Variants in TMEM26 observed in about 807,000 individuals in gnomAD.
TMEM26 encodes transmembrane protein 26.
In TMEM26, 38 loss-of-function variants were observed where a neutral mutation model predicts 28.8. The observed-to-expected ratio is 1.32, with a 90% CI of 1.02 to 1.73. TMEM26 has a LOEUF of 1.73. Among genes scored for constraint, TMEM26 ranks in the 40% most tolerant of loss-of-function variants. The pLI, the probability that TMEM26 is intolerant of heterozygous loss-of-function variation, is 0.00. For synonymous variants in TMEM26, 227 were observed against 182.9 expected, an observed-to-expected ratio of 1.24 and a Z score of -1.95; for missense variants, 518 against 447.1, an observed-to-expected ratio of 1.16 and a Z score of -1.43.
At position 61,449,287 on chromosome 10, in the gene TMEM26, A is replaced by G. The variant is rs945445138; in HGVS notation, c.191+3604T>C. Among the ~76,000 whole-genome samples the G allele has an allele frequency of 3.3e-5, 5 of 152,252 alleles. No individual in the cohort carries two copies. The South Asian group carries it at 6.2e-4, about 19-fold the overall frequency. ...AAAAAAAAGCAAACTCCAGGAGTGC[A>G]TATTTTTTTTAGCTTAACGGGGGAC... On this transcript the variant is annotated intron_variant, in intron 1 of 5. Coordinates refer to ENST00000399298, the MANE Select transcript of TMEM26 (RefSeq NM_178505.8).
chr10:61,423,990 G>A (rs545186898), intron 4 of TMEM26, among the ~76,000 whole-genome samples: 1 of 152,172 alleles, frequency 6.6e-6, no homozygotes, highest in East Asian at 1.9e-4. Flanking sequence ...AAACCCACAA[G>A]TAACATCATC....
At chr10:61,435,459 A>G (rs1022647139) in intron 2 of TMEM26, among the ~76,000 whole-genome samples, 3 of 152,152 alleles carry the variant, frequency 2.0e-5, no homozygotes, top group Non-Finnish European at 2.9e-5. Context: ...GATTATAGGC[A>G]TGAGCCACCA....
At chr10:61,448,369 T>C (rs1238881664) in intron 1 of TMEM26, among the ~76,000 whole-genome samples, 1 of 152,226 alleles carries the variant, frequency 6.6e-6, no homozygotes, top group Non-Finnish European at 1.5e-5. Flanking sequence ...GACAACTAAC[T>C]GGTCCCAAAA....
At chr10:61,421,240 A>C (rs1315992242) in intron 4 of TMEM26, among the ~76,000 whole-genome samples, 2 of 152,162 alleles carry the variant, frequency 1.3e-5, no homozygotes, top group Non-Finnish European at 2.9e-5. Context: ...AAATTGACTT[A>C]AAAATGCTCA....
chr10:61,429,544 T>C (rs887168746), intron 3 of TMEM26, among the ~76,000 whole-genome samples: 5 of 152,084 alleles, frequency 3.3e-5, no homozygotes, highest in Non-Finnish European at 7.4e-5. Context: ...CTTTAATAGA[T>C]TTTTAAATCT....
chr10:61,433,189 A>G (rs766578394), intron 2 of TMEM26, among the ~76,000 whole-genome samples: 1 of 152,158 alleles, frequency 6.6e-6, no homozygotes, highest in Non-Finnish European at 1.5e-5. Flanking sequence ...TTCATAGTCC[A>G]TATTATGGTA....
At position 61,452,998 on chromosome 10, in the gene TMEM26, G is replaced by C. The variant is rs764285838; in HGVS notation, c.84C>G (p.Thr28=). The change falls in exon 1 of 6, where the codon ACC becomes ACG. Residue 28 remains threonine (T), a synonymous_variant. Coordinates refer to ENST00000399298, the MANE Select transcript of TMEM26 (RefSeq NM_178505.8). ...LHSLVGVWRV[T]EVKKEPRYWL... is the part of the protein sequence containing the mutation. ...AGTACCGCGGCTCCTTCTTCACCTCGGTCACTCGCCAGACCCCGACCAGCG... is the reference window on the plus strand; with the variant it reads ...AGTACCGCGGCTCCTTCTTCACCTCCGTCACTCGCCAGACCCCGACCAGCG... 5 of 1,613,960 alleles carry C rather than the reference G, an allele frequency of 3.1e-6. No homozygotes were observed. The highest frequency in any genetic ancestry group is 4.2e-6 in the Non-Finnish European group (5 of 1,180,014).
chr10:61,410,652 G>T lies in TMEM26; in HGVS notation c.777C>A (p.Ile259=), dbSNP rs372939198. The change falls in exon 6 of 6, where the codon ATC becomes ATA. Residue 259 remains isoleucine (I), a synonymous_variant. Coordinates refer to ENST00000399298, the MANE Select transcript of TMEM26 (RefSeq NM_178505.8). Reference sequence around the variant, plus strand: ...AGGGGCCATCTTGTATGAAGACGCTGATTCCGATGTTCCACAGATCGGCAC... The same window carrying T: ...AGGGGCCATCTTGTATGAAGACGCTTATTCCGATGTTCCACAGATCGGCAC... ...QYSADLWNIG[I]SVFIQDGPFL... is the part of the protein sequence containing the mutation. The T allele has an allele frequency of 7.4e-6, 12 of 1,614,106 alleles. No individual in the cohort carries two copies. Among genetic ancestry groups the T allele is most frequent in the Admixed American group, 1.7e-5 (1 of 60,010 alleles).
chr10:61,442,184 T>C (rs1840106363), intron 1 of TMEM26, among the ~76,000 whole-genome samples: 1 of 152,194 alleles, frequency 6.6e-6, no homozygotes, highest in African/African-American at 2.4e-5. Flanking sequence ...TACAAAGTTG[T>C]CATTTCAACA....
At chr10:61,422,182 A>G (rs1326959111) in intron 4 of TMEM26, among the ~76,000 whole-genome samples, 1 of 152,168 alleles carries the variant, frequency 6.6e-6, no homozygotes, top group Non-Finnish European at 1.5e-5. Flanking sequence ...TATTTAAAAG[A>G]GAAACAGACA....
chr10:61,413,750 T>C (rs1210591190), intron 4 of TMEM26: 2 of 1,237,732 alleles, frequency 1.6e-6, no homozygotes, highest in Non-Finnish European at 2.0e-6. Flanking sequence ...GCCCAACATA[T>C]GCATGAATTA....
intron 1 of TMEM26, among the ~76,000 whole-genome samples, chr10:61,446,244 G>A (rs949293386): frequency 3.3e-5 from 5 of 152,192 alleles, no homozygotes; most frequent in African/African-American, 1.2e-4. Flanking sequence ...CCTAAACCAT[G>A]ACTTGGATTA....
In TMEM26 at chr10:61,409,068, G is replaced by A. The variant is rs1215320321; in HGVS notation, c.*1254C>T. 1 of 152,114 alleles carries A rather than the reference G, an allele frequency of 6.6e-6. No individual in the cohort carries two copies. Among genetic ancestry groups the A allele is most frequent in the African/African-American group, 2.4e-5 (1 of 41,418 alleles). The allele number at this position is 152,114 out of a possible 1,614,324, so 9.4% of individuals were successfully genotyped here. On this transcript the variant is annotated 3_prime_UTR_variant, in exon 6 of 6. Coordinates refer to ENST00000399298, the MANE Select transcript of TMEM26 (RefSeq NM_178505.8). ...AACCTAAAAGAACAGTTTTGGAACT[G>A]TTTGCCTCGTGTAATTACTGCTACA...
chr10:61,452,237 T>C (rs1840297311), intron 1 of TMEM26, among the ~76,000 whole-genome samples: 1 of 152,234 alleles, frequency 6.6e-6, no homozygotes, highest in Admixed American at 6.5e-5. Flanking sequence ...CACTACCTGC[T>C]GGTCCCTTCA....
chr10:61,440,962 A>G (rs1840082960), intron 1 of TMEM26, among the ~76,000 whole-genome samples: 1 of 152,212 alleles, frequency 6.6e-6, no homozygotes, highest in Non-Finnish European at 1.5e-5. Context: ...CCTATGCTTT[A>G]AATCATCTCT....
At chr10:61,451,935 G>A (rs943706332) in intron 1 of TMEM26, among the ~76,000 whole-genome samples, 1 of 151,578 alleles carries the variant, frequency 6.6e-6, no homozygotes, top group Non-Finnish European at 1.5e-5. Context: ...ATTGTAAATT[G>A]CCTAATACCA....
rs368045049 is a variant in TMEM26 at position 61,413,523 on chromosome 10, T to A, written c.618A>T (p.Ala206=). ...ATATAACAAGGATGGCATAGACTAG[T>A]GCAGGACTATTCCTAGAATACAGAC... ...LEEQNVRNSP[A]LVYAILVIWT... is the part of the protein sequence containing the mutation. The change falls in exon 5 of 6, where the codon GCA becomes GCT. Residue 206 remains alanine (A), a synonymous_variant. Coordinates refer to ENST00000399298, the MANE Select transcript of TMEM26 (RefSeq NM_178505.8). The A allele has an allele frequency of 2.3e-4, 368 of 1,608,590 alleles. No individual in the cohort carries two copies. Among genetic ancestry groups the A allele is most frequent in the Non-Finnish European group, 3.0e-4 (348 of 1,177,980 alleles).
intron 4 of TMEM26, among the ~76,000 whole-genome samples, chr10:61,423,993 A>G (rs1483142522): frequency 9.9e-5 from 15 of 152,208 alleles, no homozygotes; most frequent in African/African-American, 3.6e-4. Flanking sequence ...CCCACAAGTA[A>G]CATCATCTTT....
chr10:61,418,436 C>T (rs894708231), intron 4 of TMEM26, among the ~76,000 whole-genome samples: 1 of 151,938 alleles, frequency 6.6e-6, no homozygotes, highest in African/African-American at 2.4e-5. Context: ...GGGAAATTTA[C>T]ATTTCAAAGG....
Sources: gnomAD v4.1 joint callset for allele counts (sites outside exome capture counted in the v4.1 genomes callset) on GRCh38, gnomAD v4.1.1 for gene constraint, MANE v1.5 for transcripts, NCBI Gene and HGNC (gene_info 2026-07-23, HGNC 2026-07-21) for gene names.